Variants in PLCXD3 observed in about 807,000 individuals in gnomAD.
PLCXD3 encodes phosphatidylinositol specific phospholipase C X domain containing 3.
A neutral mutation model predicts 25.5 loss-of-function variants in PLCXD3; 19 were observed. That is an observed-to-expected ratio of 0.75 (90% CI 0.52 to 1.09). The LOEUF is 1.09. Among genes scored for constraint, PLCXD3 ranks in the 50% least tolerant of loss-of-function variants. The pLI is 0.00. For missense variants in PLCXD3, 411 were observed against 388.1 expected, an observed-to-expected ratio of 1.06 and a Z score of -0.50; for synonymous variants, 174 against 137.6, an observed-to-expected ratio of 1.26 and a Z score of -1.85.
chr5:41,471,800 C>T lies in PLCXD3; in HGVS notation c.103+38624G>A, dbSNP rs71625654. The stretch of plus-strand genomic sequence containing the variant: ...TCAAGACCTTCCCTTCCCTTCCCTT[C>T]CCTTCCCCTCCCCTCCCGTCCCCTC... On this transcript the variant is annotated intron_variant, in intron 1 of 2. Transcript: ENST00000377801. Among the ~76,000 whole-genome samples the T allele has an allele frequency of 9.3e-5, 2 of 21,408 alleles. 1 individual carries two copies. Among genetic ancestry groups the T allele is most frequent in the African/African-American group, 2.8e-4 (2 of 7,200 alleles). 14.0% of individuals were successfully genotyped at this position (21,408 alleles called of 152,430 possible).
chr5:41,370,175 T>G (rs1745051209), intron 2 of PLCXD3, among the ~76,000 whole-genome samples: 5 of 152,192 alleles, frequency 3.3e-5, no homozygotes, highest in Admixed American at 3.3e-4. Flanking sequence ...AAAAATGAAT[T>G]ATGACAATCA....
In PLCXD3 at chr5:41,309,883, A is replaced by C. The variant is rs1196608505; in HGVS notation, c.*3734T>G. On this transcript the variant is annotated 3_prime_UTR_variant, in exon 3 of 3. Coordinates refer to ENST00000377801, the MANE Select transcript of PLCXD3 (RefSeq NM_001005473.3). ...TCCTCTTAAATATTTAAATATTTGA[A>C]TTATGTTTATATCTACTAATGTAGG... 1.3e-5 allele frequency: 2 copies of C among 152,080 alleles called. No homozygotes were observed. Among genetic ancestry groups the C allele is most frequent in the East Asian group, 3.9e-4 (2 of 5,188 alleles). 9.4% of individuals were successfully genotyped at this position (152,080 alleles called of 1,614,324 possible).
chr5:41,423,573 A>G (rs764021348), intron 1 of PLCXD3, among the ~76,000 whole-genome samples: 2 of 152,110 alleles, frequency 1.3e-5, no homozygotes, highest in Admixed American at 6.5e-5. Flanking sequence ...TGTTGACTCC[A>G]TATTTTCTGA....
chr5:41,368,471 C>G (rs1745000299), intron 2 of PLCXD3, among the ~76,000 whole-genome samples: 1 of 152,106 alleles, frequency 6.6e-6, no homozygotes, highest in South Asian at 2.1e-4. Context: ...TAGGATTATG[C>G]CATCCACAAA....
chr5:41,325,425 T>G (rs1224661564), intron 2 of PLCXD3, among the ~76,000 whole-genome samples: 2 of 152,208 alleles, frequency 1.3e-5, no homozygotes, highest in African/African-American at 2.4e-5. Flanking sequence ...TTATTTAGGA[T>G]AGCATTTCTT....
At chr5:41,457,301 A>G (rs1038860586) in intron 1 of PLCXD3, among the ~76,000 whole-genome samples, 3 of 151,932 alleles carry the variant, frequency 2.0e-5, no homozygotes, top group African/African-American at 7.2e-5. Flanking sequence ...AACAAAAGTA[A>G]GTACAACCAT....
rs1393917725 is a variant in PLCXD3 at position 41,310,512 on chromosome 5, T to G, written c.*3105A>C. ...TCTTGGCGCCCATGTGTAGCCCTTG[T>G]GCTACAAGCTCTCTGAAAAGACAAT... On this transcript the variant is annotated 3_prime_UTR_variant, in exon 3 of 3. Coordinates refer to ENST00000377801, the MANE Select transcript of PLCXD3 (RefSeq NM_001005473.3). 6.6e-6 allele frequency: 1 copy of G among 152,488 alleles called. No homozygotes were observed. The highest frequency in any genetic ancestry group is 2.4e-5 in the African/African-American group (1 of 41,424). The allele number at this position is 152,488 out of a possible 1,614,324, so 9.4% of individuals were successfully genotyped here. A position where few individuals can be genotyped will look rare whatever the true frequency, so the allele number is the denominator to read the frequency against.
intron 2 of PLCXD3, among the ~76,000 whole-genome samples, chr5:41,364,837 T>A (rs1289298613): frequency 6.6e-6 from 1 of 152,222 alleles, no homozygotes; most frequent in Non-Finnish European, 1.5e-5. Context: ...CTTCATTTGA[T>A]GTGTACTTTT....
chr5:41,488,187 T>A (rs1748565014), intron 1 of PLCXD3, among the ~76,000 whole-genome samples: 1 of 150,984 alleles, frequency 6.6e-6, no homozygotes, highest in Admixed American at 6.6e-5. Flanking sequence ...TGTTTGGTTT[T>A]TTGTTCTTGC....
chr5:41,373,362 C>A (rs1745184932), intron 2 of PLCXD3, among the ~76,000 whole-genome samples: 1 of 152,164 alleles, frequency 6.6e-6, no homozygotes, highest in Non-Finnish European at 1.5e-5. Flanking sequence ...AATGTTAAGT[C>A]TCCACCCAGA....
At chr5:41,435,696 C>A (rs571104095) in intron 1 of PLCXD3, among the ~76,000 whole-genome samples, 2 of 152,244 alleles carry the variant, frequency 1.3e-5, no homozygotes, top group East Asian at 3.9e-4. Flanking sequence ...TCTGAGGAAA[C>A]CTAATAGGCA....
intron 2 of PLCXD3, among the ~76,000 whole-genome samples, chr5:41,319,302 G>T (rs1743392036): frequency 6.6e-6 from 1 of 152,144 alleles, no homozygotes; most frequent in Non-Finnish European, 1.5e-5. Context: ...AAGAGCTTCA[G>T]GATACACATT....
At chr5:41,335,909 T>C (rs921809832) in intron 2 of PLCXD3, among the ~76,000 whole-genome samples, 3 of 152,176 alleles carry the variant, frequency 2.0e-5, no homozygotes, top group African/African-American at 7.2e-5. Context: ...ACTAGCTGTT[T>C]GTCTCTTTAT....
intron 2 of PLCXD3, among the ~76,000 whole-genome samples, chr5:41,353,162 C>T (rs144857230): frequency 0.026 from 3,869 of 151,020 alleles, 154 homozygotes; most frequent in African/African-American, 0.089. Context: ...GCGCGATCTC[C>T]GCTCACTGCA....
At chr5:41,460,080 T>G (rs1580383972) in intron 1 of PLCXD3, among the ~76,000 whole-genome samples, 1 of 151,936 alleles carries the variant, frequency 6.6e-6, no homozygotes, top group Non-Finnish European at 1.5e-5. Flanking sequence ...TTTAAACCTA[T>G]GTTTTCCACA....
At chr5:41,394,385 C>A (rs1024924989) in intron 1 of PLCXD3, among the ~76,000 whole-genome samples, 1 of 151,804 alleles carries the variant, frequency 6.6e-6, no homozygotes, top group Non-Finnish European at 1.5e-5. Flanking sequence ...TACAGGAAGA[C>A]AGAAAGAAAA....
At chr5:41,345,039 A>C (rs1744260788) in intron 2 of PLCXD3, among the ~76,000 whole-genome samples, 1 of 152,204 alleles carries the variant, frequency 6.6e-6, no homozygotes, top group African/African-American at 2.4e-5. Flanking sequence ...AAATGATTCT[A>C]TTACAGCATA....
chr5:41,378,826 G>A (rs1014886642), intron 2 of PLCXD3, among the ~76,000 whole-genome samples: 2 of 151,946 alleles, frequency 1.3e-5, no homozygotes, highest in African/African-American at 2.4e-5. Flanking sequence ...TTAGTAGTAG[G>A]GTACTAGAGC....
intron 2 of PLCXD3, among the ~76,000 whole-genome samples, chr5:41,334,396 T>G (rs1290827606): frequency 6.6e-6 from 1 of 152,050 alleles, no homozygotes; most frequent in Admixed American, 6.6e-5. Context: ...TTGGGTACAG[T>G]CATATTTTGG....
Sources: gnomAD v4.1 joint callset for allele counts (sites outside exome capture counted in the v4.1 genomes callset) on GRCh38, gnomAD v4.1.1 for gene constraint, MANE v1.5 for transcripts, NCBI Gene and HGNC (gene_info 2026-07-23, HGNC 2026-07-21) for gene names.